The following ACBD6 variants were observed in gnomAD, a reference collection of about 807,000 sequenced individuals.
The protein encoded by ACBD6 is acyl-CoA binding domain containing 6, also known as acyl-CoA-binding domain-containing protein 6.
A neutral mutation model predicts 37.2 loss-of-function variants in ACBD6; 28 were observed. The observed-to-expected ratio is 0.75, with a 90% CI of 0.56 to 1.03. The LOEUF is 1.03. Ranked by LOEUF, ACBD6 falls within the 50% of genes least tolerant of loss-of-function variation. The pLI, the probability that ACBD6 is intolerant of heterozygous loss-of-function variation, is 0.00. For synonymous variants in ACBD6, 113 were observed against 126.8 expected, an observed-to-expected ratio of 0.89 and a Z score of 0.73; for missense variants, 340 against 337.4, an observed-to-expected ratio of 1.01 and a Z score of -0.06.
intron 6 of ACBD6, among the ~76,000 whole-genome samples, chr1:180,382,495 T>C (rs1315269325): frequency 2.0e-5 from 3 of 151,998 alleles, no homozygotes; most frequent in East Asian, 3.8e-4. Context: ...ACTGCCAAGA[T>C]TGAATCTGGA....
At chr1:180,286,082 T>C (rs1649490024), downstream of ACBD6, among the ~76,000 whole-genome samples, 1 of 152,156 alleles carries the variant, frequency 6.6e-6, no homozygotes, top group Non-Finnish European at 1.5e-5. Context: ...AAAAAGGGAA[T>C]GCCATGGGCC....
At chr1:180,282,848 C>A (rs12058853) in intron 8 of ACBD6, among the ~76,000 whole-genome samples, 1,539 of 152,062 alleles carry the variant, frequency 0.01, 27 homozygotes, top group African/African-American at 0.035. Context: ...GTTCAGAATG[C>A]GCATTAACCA....
chr1:180,313,678 A>G (rs1438630919), intron 7 of ACBD6, among the ~76,000 whole-genome samples: 2 of 152,148 alleles, frequency 1.3e-5, no homozygotes, highest in Non-Finnish European at 2.9e-5. Flanking sequence ...GCTGTCTTTC[A>G]TTCAGCCATA....
In ACBD6 at chr1:180,357,733, A is replaced by G. The variant is rs570573118; in HGVS notation, c.663+39783T>C. Among the ~76,000 whole-genome samples the G allele has an allele frequency of 2.0e-4, 30 of 152,320 alleles. No individual in the cohort carries two copies. In the East Asian group the frequency reaches 5.6e-3, roughly 28 times the overall value. On this transcript the variant is annotated intron_variant, in intron 6 of 7. Transcript: ENST00000367595. Reference sequence around the variant, plus strand: ...AAGACCTTCAGGAAGATGATCCTCAAAGTCTTCCTCTTCTCAGTATATGAA... The same window carrying G: ...AAGACCTTCAGGAAGATGATCCTCAGAGTCTTCCTCTTCTCAGTATATGAA...
intron 2 of ACBD6, among the ~76,000 whole-genome samples, chr1:180,493,288 C>CAAAA (rs1651597186): frequency 8.4e-6 from 1 of 119,572 alleles, no homozygotes; most frequent in African/African-American, 3.3e-5. Context: ...ACAACAACAG[C>CAAAA]AACTAAAGAA....
At chr1:180,369,068 GA>G (rs765083213) in intron 6 of ACBD6, among the ~76,000 whole-genome samples, 18 of 152,222 alleles carry the variant, frequency 1.2e-4, no homozygotes, top group Admixed American at 5.2e-4. Context: ...GTTCAAGGAA[GA>G]ATGTTCAAAG....
chr1:180,286,140 T>A (rs560090089), downstream of ACBD6, among the ~76,000 whole-genome samples: 16 of 152,298 alleles, frequency 1.1e-4, no homozygotes, highest in Non-Finnish European at 2.2e-4. Context: ...GATTATATGA[T>A]AGCAAGGTTT....
intron 6 of ACBD6, among the ~76,000 whole-genome samples, chr1:180,390,972 A>T (rs1654054217): frequency 6.6e-6 from 1 of 152,222 alleles, no homozygotes; most frequent in Non-Finnish European, 1.5e-5. Context: ...TATTAACATA[A>T]GGAAAGACAT....
At chr1:180,326,250 C>G (rs538292267) in intron 6 of ACBD6, among the ~76,000 whole-genome samples, 3 of 152,158 alleles carry the variant, frequency 2.0e-5, no homozygotes, top group Non-Finnish European at 4.4e-5. Context: ...ACAAGTCAGT[C>G]CTTCCCTCCC....
chr1:180,394,353 G>T (rs901735833), intron 6 of ACBD6, among the ~76,000 whole-genome samples: 1 of 151,258 alleles, frequency 6.6e-6, no homozygotes, highest in African/African-American at 2.4e-5. Flanking sequence ...GCCCCCTAAA[G>T]TGCTAGAATT....
chr1:180,377,800 AGCTGGTCATGGTGGCACAT>A (rs1181362543), intron 6 of ACBD6, among the ~76,000 whole-genome samples: 1 of 151,778 alleles, frequency 6.6e-6, no homozygotes, highest in Non-Finnish European at 1.5e-5. Flanking sequence ...ATGCAAAATT[AGCTGGTCATGGTGGCACAT>A]GCCTGTAACC....
chr1:180,498,735 G>A (rs1320280127), intron 1 of ACBD6, among the ~76,000 whole-genome samples: 1 of 151,920 alleles, frequency 6.6e-6, no homozygotes, highest in African/African-American at 2.4e-5. Context: ...GCAGACACCT[G>A]TAATCACAGC....
chr1:180,348,650 A>G (rs1047360627), intron 6 of ACBD6, among the ~76,000 whole-genome samples: 7 of 152,248 alleles, frequency 4.6e-5, no homozygotes, highest in Admixed American at 1.3e-4. Flanking sequence ...AAGTGTCTGA[A>G]TAAGGATAGC....
intron 6 of ACBD6, among the ~76,000 whole-genome samples, chr1:180,369,838 G>A (rs1405428337): frequency 6.6e-6 from 1 of 152,130 alleles, no homozygotes; most frequent in Non-Finnish European, 1.5e-5. Context: ...TGATATATGT[G>A]TTACAGCATA....
At chr1:180,399,957 T>A (rs1346588323) in intron 5 of ACBD6, among the ~76,000 whole-genome samples, 1 of 152,122 alleles carries the variant, frequency 6.6e-6, no homozygotes, top group Non-Finnish European at 1.5e-5. Context: ...ACAAAAACTA[T>A]GTAATAGTTA....
chr1:180,449,382 G>C (rs1199451336), intron 3 of ACBD6, among the ~76,000 whole-genome samples: 1 of 150,882 alleles, frequency 6.6e-6, no homozygotes, highest in East Asian at 1.9e-4. Context: ...ACAAAACGGA[G>C]CAACATATCA....
chr1:180,411,353 T>C (rs1176450186), intron 5 of ACBD6, among the ~76,000 whole-genome samples: 1 of 152,238 alleles, frequency 6.6e-6, no homozygotes, highest in African/African-American at 2.4e-5. Flanking sequence ...GGTATAATGC[T>C]ATCAAACAGC....
intron 6 of ACBD6, among the ~76,000 whole-genome samples, chr1:180,330,545 C>T (rs961332347): frequency 6.6e-6 from 1 of 152,270 alleles, no homozygotes; most frequent in African/African-American, 2.4e-5. Flanking sequence ...TCCACATGGG[C>T]TACAACAGTA....
chr1:180,271,224 A>C, exon 14 of ACBD6: 1 of 792,856 alleles, frequency 1.3e-6, no homozygotes, highest in Non-Finnish European at 2.2e-6. Context: ...GTGCCATGAG[A>C]GTGGGGACCT....
Sources: allele counts gnomAD v4.1 joint callset (sites outside exome capture counted in the v4.1 genomes callset), GRCh38; gene constraint gnomAD v4.1.1; transcripts MANE v1.5; gene names NCBI Gene and HGNC (gene_info 2026-07-23, HGNC 2026-07-21).